SLC13A5: variants seen among roughly 807,000 people sequenced by gnomAD.
The protein encoded by SLC13A5 is solute carrier family 13 member 5, also known as Na(+)/citrate cotransporter.
Under a neutral mutation model 56.5 loss-of-function variants are expected in SLC13A5, and 25 were observed. That is an observed-to-expected ratio of 0.44 (90% CI 0.32 to 0.62). SLC13A5 has a LOEUF of 0.62. Among genes scored for constraint, SLC13A5 ranks in the 20% least tolerant of loss-of-function variants. The probability of loss-of-function intolerance (pLI) is 0.04; values close to 1 mark genes in which losing one functional copy is unlikely to be tolerated. For synonymous variants in SLC13A5, 307 were observed against 301.5 expected, an observed-to-expected ratio of 1.02 and a Z score of -0.19; for missense variants, 649 against 737.8, an observed-to-expected ratio of 0.88 and a Z score of 1.39.
At chr17:6,689,185 G>T (rs1025590310) in intron 10 of SLC13A5, 3 of 152,210 alleles carry the variant, frequency 2.0e-5, no homozygotes, top group Non-Finnish European at 4.4e-5. Flanking sequence ...GTTCCTGTTG[G>T]TAAACAGCCC....
chr17:6,694,026 G>C, intron 8 of SLC13A5, 71 bp downstream of exon 8: 1 of 973,848 alleles, frequency 1.0e-6, no homozygotes, highest in Non-Finnish European at 1.5e-6. Context: ...AGGGCCCAAG[G>C]CATCCCATAG....
chr17:6,696,046 T>C lies in SLC13A5; in HGVS notation c.840-105A>G, dbSNP rs7220915. 0.22 allele frequency: 230,035 copies of C among 1,042,498 alleles called. 32,174 individuals carry two copies. The highest frequency in any genetic ancestry group is 0.6 in the East Asian group (24,539 of 41,092). The allele number at this position is 1,042,498 out of a possible 1,614,324, so 64.6% of individuals were successfully genotyped here. On this transcript the variant is annotated intron_variant, in intron 6 of 11. Transcript: ENST00000433363. ...CAGCAGAATGTAGCAAAAAGACACA[T>C]AATGCTGTCCTCGCCTGCTATGGGG...
chr17:6,702,907 G>A (rs1291293107), intron 5 of SLC13A5, 63 bp downstream of exon 5: 1 of 1,573,332 alleles, frequency 6.4e-7, no homozygotes, highest in Non-Finnish European at 8.7e-7. Context: ...GAGAGAGGTG[G>A]GCAGGTCCCT....
chr17:6,699,576 T>C (rs946731773), intron 6 of SLC13A5, among the ~76,000 whole-genome samples: 8 of 152,196 alleles, frequency 5.3e-5, no homozygotes, highest in African/African-American at 1.7e-4. Context: ...CTTCAAGCAA[T>C]TCTCCTGCCT....
intron 6 of SLC13A5, among the ~76,000 whole-genome samples, chr17:6,697,106 A>T (rs1973582890): frequency 6.6e-6 from 1 of 152,076 alleles, no homozygotes; most frequent in Non-Finnish European, 1.5e-5. Context: ...CCCGCTAGGG[A>T]CACTCTCTAG....
At chr17:6,706,117 G>T (rs1973857083) in intron 3 of SLC13A5, among the ~76,000 whole-genome samples, 2 of 152,198 alleles carry the variant, frequency 1.3e-5, no homozygotes, top group Non-Finnish European at 2.9e-5. Flanking sequence ...GGCTTAGCTG[G>T]AAATGGCTAG....
intron 6 of SLC13A5, among the ~76,000 whole-genome samples, chr17:6,697,583 C>A (rs184040532): frequency 6.6e-6 from 1 of 152,210 alleles, no homozygotes; most frequent in Admixed American, 6.5e-5. Context: ...AGTCCTCCTG[C>A]AGCAGAACAG....
At chr17:6,705,204 G>A (rs1382245675) in intron 3 of SLC13A5, 2 of 152,320 alleles carry the variant, frequency 1.3e-5, no homozygotes, top group Admixed American at 6.5e-5. Context: ...CTAGGAGGAG[G>A]GGGAGAGTTT....
Position 6,694,970 on chromosome 17 carries a change from C to A in SLC13A5, c.1055+756G>T, listed in dbSNP as rs1002801108. ...GCCAGGAGAGAAACTACATGTACCC[C>A]CTTTGCCAAGTCTCTGTCTATGAAG... is the stretch of plus-strand genomic sequence containing the variant. On this transcript the variant is annotated intron_variant, in intron 7 of 11. Coordinates refer to ENST00000433363, the MANE Select transcript of SLC13A5 (RefSeq NM_177550.5). Among the ~76,000 whole-genome samples the A allele has an allele frequency of 2.0e-5, 3 of 152,182 alleles. No individual in the cohort carries two copies. In the East Asian group the frequency reaches 5.8e-4, roughly 29 times the overall value.
At chr17:6,691,259 T>C (rs1449307683) in intron 9 of SLC13A5, among the ~76,000 whole-genome samples, 1 of 152,174 alleles carries the variant, frequency 6.6e-6, no homozygotes, top group Non-Finnish European at 1.5e-5. Context: ...TGCTTCTCTC[T>C]CTGGGCCTCC....
chr17:6,693,076 CT>C lies in SLC13A5; in HGVS notation c.1242del (p.Gly416AlafsTer35). ...CCTTTAGCCAGAGCAAATCCGCCCC[CT>C]AGTAGCAGCACGATGCCCCAGGGCA... is the stretch of plus-strand genomic sequence containing the variant. ...EKVPWGIVLL[L>X]GGGFALAKGS... On this transcript the variant is annotated frameshift_variant, in exon 9 of 12. Coordinates refer to ENST00000433363, the MANE Select transcript of SLC13A5 (RefSeq NM_177550.5). LOFTEE classifies it high-confidence loss of function. 1 of 1,614,108 alleles carries C rather than the reference CT, an allele frequency of 6.2e-7. No homozygotes were observed. The highest frequency in any genetic ancestry group is 8.5e-7 in the Non-Finnish European group (1 of 1,180,018).
At position 6,708,993 on chromosome 17, in the gene SLC13A5, C is replaced by CTTT. The variant is rs575087645; in HGVS notation, c.103-1840_103-1838dup. ...TTCTTTCTCTCTCGCTCTTTTATTT[C>CTTT]TTTTTTTTTTTTTTTGAGACAGGGT... is the stretch of plus-strand genomic sequence containing the variant. On this transcript the variant is annotated intron_variant, in intron 1 of 11. Coordinates refer to ENST00000433363, the MANE Select transcript of SLC13A5 (RefSeq NM_177550.5). Among the ~76,000 whole-genome samples, 31 of 133,036 alleles carry CTTT rather than the reference C, an allele frequency of 2.3e-4. 1 individual carries two copies. Among genetic ancestry groups the CTTT allele is most frequent in the Non-Finnish European group, 2.7e-4 (17 of 63,034 alleles). 87.3% of individuals were successfully genotyped at this position (133,036 alleles called of 152,430 possible). A position where few individuals can be genotyped will look rare whatever the true frequency, so the allele number is the denominator to read the frequency against.
chr17:6,687,733 A>G lies in SLC13A5; in HGVS notation c.1438-67T>C, dbSNP rs1973289277. On this transcript the variant is annotated intron_variant, in intron 10 of 11. Transcript: ENST00000433363. The surrounding 1 kb of genome is among the most constrained non-coding windows in gnomAD (Gnocchi z 5.0). Reference sequence around the variant, plus strand: ...GAAGCTCTTGGGGACGTGATTCTGAAAAGGATTCTCTGAATGTGCCGGGTA... The same window carrying G: ...GAAGCTCTTGGGGACGTGATTCTGAGAAGGATTCTCTGAATGTGCCGGGTA... 6.7e-7 allele frequency: 1 copy of G among 1,491,446 alleles called. No homozygotes were observed. The highest frequency in any genetic ancestry group is 1.4e-5 in the South Asian group (1 of 71,506). 92.4% of individuals were successfully genotyped at this position (1,491,446 alleles called of 1,614,324 possible). A position where few individuals can be genotyped will look rare whatever the true frequency, so the allele number is the denominator to read the frequency against.
intron 3 of SLC13A5, 141 bp from the exon 4 acceptor site, chr17:6,704,197 G>C (rs1485107465): frequency 2.2e-6 from 2 of 922,510 alleles, no homozygotes; most frequent in Admixed American, 2.0e-5. Flanking sequence ...TTGGAATAGG[G>C]ATGACGGTTT....
chr17:6,686,897 G>A (rs1597652372), intron 11 of SLC13A5: 1 of 156,642 alleles, frequency 6.4e-6, no homozygotes, highest in East Asian at 1.9e-4. Flanking sequence ...ATACCCAGCA[G>A]AGGCTCTGAG....
chr17:6,686,351 C>T lies in SLC13A5; in HGVS notation c.1576-13G>A, dbSNP rs377340234. Reference sequence around the variant, plus strand: ...CTCCTGTTTTCACCTGGAAAAGAGACAGAGTCAGCACCCTGAGGCCTGCTG... The same window carrying T: ...CTCCTGTTTTCACCTGGAAAAGAGATAGAGTCAGCACCCTGAGGCCTGCTG... On this transcript the variant is annotated splice_polypyrimidine_tract_variant and intron_variant, in intron 11 of 11. Transcript: ENST00000433363. 6.9e-5 allele frequency: 112 copies of T among 1,613,938 alleles called. 1 individual carries two copies. The African/African-American group carries it at 1.4e-3, about 20-fold the overall frequency.
At chr17:6,704,915 C>T (rs1235984189) in intron 3 of SLC13A5, 1 of 153,072 alleles carries the variant, frequency 6.5e-6, no homozygotes, top group Non-Finnish European at 1.5e-5. Flanking sequence ...CTGCTCTCTC[C>T]TTGGGCTGTG....
Position 6,694,212 on chromosome 17 carries a change from G to C in SLC13A5, c.1056-15C>G. 6.6e-7 allele frequency: 1 copy of C among 1,511,934 alleles called. No individual in the cohort carries two copies. The highest frequency in any genetic ancestry group is 1.1e-5 in the South Asian group (1 of 88,528). The allele number at this position is 1,511,934 out of a possible 1,614,324, so 93.7% of individuals were successfully genotyped here. A position where few individuals can be genotyped will look rare whatever the true frequency, so the allele number is the denominator to read the frequency against. The stretch of plus-strand genomic sequence containing the variant: ...CGGAGACATACCTAGGTGGGGAAAA[G>C]CACAGCTCATCTGCGACAGAGACAG... On this transcript the variant is annotated splice_polypyrimidine_tract_variant and intron_variant, in intron 7 of 11. Transcript: ENST00000433363.
In SLC13A5 at chr17:6,707,008, G is replaced by C. The variant is rs766055832; in HGVS notation, c.231+20C>G. The C allele has an allele frequency of 2.5e-6, 4 of 1,613,352 alleles. No individual in the cohort carries two copies. Among genetic ancestry groups the C allele is most frequent in the African/African-American group, 1.3e-5 (1 of 74,936 alleles). ...AAGGGGAGAACCAGAAAGTCACCAG[G>C]ATCCCTTGGGTCTGCTCACCTGCCT... On this transcript the variant is annotated intron_variant, in intron 2 of 11. Transcript: ENST00000433363.
Sources: gnomAD v4.1 joint callset for allele counts (sites outside exome capture counted in the v4.1 genomes callset) on GRCh38, gnomAD v4.1.1 for gene constraint, Gnocchi (gnomAD v3.1) non-coding constraint, MANE v1.5 for transcripts, NCBI Gene and HGNC (gene_info 2026-07-23, HGNC 2026-07-21) for gene names.